The following KRT24 variants were observed in gnomAD, a reference collection of about 807,000 sequenced individuals.
KRT24 encodes the protein keratin, type I cytoskeletal 24.
Under a neutral mutation model 51.7 loss-of-function variants are expected in KRT24, and 44 were observed. The observed-to-expected ratio is 0.85, with a 90% CI of 0.67 to 1.09. The LOEUF (loss-of-function observed/expected upper bound fraction) is 1.09. Among genes scored for constraint, KRT24 ranks in the 50% least tolerant of loss-of-function variants. KRT24 has a pLI of 0.00. For synonymous variants in KRT24, 241 were observed against 249.5 expected (o/e 0.97, Z 0.32); for missense variants, 633 against 647.0 (o/e 0.98, Z 0.24).
Position 40,700,003 on chromosome 17 carries a change from C to T in KRT24, c.1138G>A (p.Ala380Thr). The T allele has an allele frequency of 2.5e-6, 4 of 1,614,118 alleles. No individual in the cohort carries two copies. The highest frequency in any genetic ancestry group is 3.4e-6 in the Non-Finnish European group (4 of 1,180,032). The change falls in exon 5 of 8, where the codon GCC becomes ACC. Residue 380 changes from alanine (A) to threonine (T), a missense_variant. Coordinates refer to ENST00000264651, the MANE Select transcript of KRT24 (RefSeq NM_019016.3). ...GAAAAGCTATTTGCACATACCATGG[C>T]CAGTTGGGACTGAAGCTCAATTTCC... is the stretch of plus-strand genomic sequence containing the variant. The part of the protein sequence containing the change: ...ALEIELQSQL[A>T]MKSSLEGTLA...
chr17:40,698,538 C>T lies in KRT24; in HGVS notation c.1474G>A (p.Asp492Asn). 6.4e-7 allele frequency: 1 copy of T among 1,563,984 alleles called. No homozygotes were observed. The highest frequency in any genetic ancestry group is 8.8e-7 in the Non-Finnish European group (1 of 1,141,490). Reference protein sequence around the residue: ...RSGSCSGQGRDSSKTRVTKTI... With the variant: ...RSGSCSGQGRNSSKTRVTKTI... The stretch of plus-strand genomic sequence containing the variant: ...ATTATCAATATTAAAAAAAGTCTAC[C>T]TCGTCCTTGACCAGAACAGCTTCCA... The change falls in exon 7 of 8, where the codon GAT becomes AAT. Residue 492 changes from aspartate to asparagine, a missense_variant and splice_region_variant. Transcript: ENST00000264651.
In KRT24 at chr17:40,698,185, C is replaced by T; in HGVS notation, c.*52G>A. The T allele has an allele frequency of 8.9e-7, 1 of 1,123,044 alleles. No individual in the cohort carries two copies. The highest frequency in any genetic ancestry group is 2.3e-5 in the East Asian group (1 of 42,648). 69.6% of individuals were successfully genotyped at this position (1,123,044 alleles called of 1,614,324 possible). A position where few individuals can be genotyped will look rare whatever the true frequency, so the allele number is the denominator to read the frequency against. On this transcript the variant is annotated 3_prime_UTR_variant, in exon 8 of 8. Coordinates refer to ENST00000264651, the MANE Select transcript of KRT24 (RefSeq NM_019016.3). ...ATTGATGCCATTTCTTCGCTTGTGT[C>T]CTTCTTGATTTTTTTTTCTTTGAAA...
Position 40,703,484 on chromosome 17 carries a change from G to A in KRT24, c.210C>T (p.Ser70=). The A allele has an allele frequency of 6.7e-7, 1 of 1,497,660 alleles. No individual in the cohort carries two copies. The highest frequency in any genetic ancestry group is 9.0e-7 in the Non-Finnish European group (1 of 1,113,150). 92.8% of individuals were successfully genotyped at this position (1,497,660 alleles called of 1,614,324 possible). A position where few individuals can be genotyped will look rare whatever the true frequency, so the allele number is the denominator to read the frequency against. The change falls in exon 1 of 8, where the codon AGC becomes AGT. Residue 70 remains serine, a synonymous_variant. Transcript: ENST00000264651. ...FGGSFGGGFG[S]CSVGGGFGGA... ...CCCCAAAACCACCCCCTACTGAGCAGCTACCAAAGCCCCCTCCAAAGCTGC... is the reference window on the plus strand; with the variant it reads ...CCCCAAAACCACCCCCTACTGAGCAACTACCAAAGCCCCCTCCAAAGCTGC...
chr17:40,699,681 A>C lies in KRT24; in HGVS notation c.1144-20T>G. 6.3e-7 allele frequency: 1 copy of C among 1,593,932 alleles called. No individual in the cohort carries two copies. Among genetic ancestry groups the C allele is most frequent in the Non-Finnish European group, 8.6e-7 (1 of 1,163,748 alleles). On this transcript the variant is annotated intron_variant, in intron 5 of 7. Transcript: ENST00000264651. ...GCTTTTCTAAGAGAAAAAGCAAATA[A>C]AAAATTCATGATGAAAATAAATCAT... is the stretch of plus-strand genomic sequence containing the variant.
At chr17:40,702,003 G>T in intron 1 of KRT24, 70 bp from the exon 2 acceptor site, 1 of 725,728 alleles carries the variant, frequency 1.4e-6, no homozygotes, top group South Asian at 2.0e-5. Flanking sequence ...CTACTTGTAA[G>T]GGTAGCTGTT....
chr17:40,701,099 T>C, intron 3 of KRT24, 41 bp downstream of exon 3: 3 of 1,596,624 alleles, frequency 1.9e-6, no homozygotes, highest in Admixed American at 3.4e-5. Flanking sequence ...GGGAGAAATA[T>C]GTTAGCTAGA....
rs750834464 is a variant in KRT24 at position 40,699,533 on chromosome 17, C to T, written c.1272G>A (p.Gln424=). The part of the protein sequence containing the change: ...ICQIWGETKC[Q]NAEYKQLLDI... ...CCAGCAATTGCTTGTACTCTGCGTT[C>T]TGGCATTTAGTCTCACCCCAGATCT... Residue 424 remains glutamine, a synonymous_variant, in exon 6 of 8, where the codon CAG becomes CAA. Coordinates refer to ENST00000264651, the MANE Select transcript of KRT24 (RefSeq NM_019016.3). The T allele has an allele frequency of 3.7e-6, 6 of 1,613,902 alleles. No homozygotes were observed. The highest frequency in any genetic ancestry group is 4.2e-6 in the Non-Finnish European group (5 of 1,179,866).
rs150703481 is a variant in KRT24 at position 40,701,344 on chromosome 17, C to T, written c.699-48G>A. The T allele has an allele frequency of 3.2e-4, 498 of 1,554,052 alleles. 3 individuals are homozygous for T. In the Middle Eastern group the frequency reaches 6.0e-3, roughly 19 times the overall value. ...AAAAAATACTGTGAGCTCACCTGGC[C>T]GTGTTTCAAAGGGTACCTTCCATTC... On this transcript the variant is annotated intron_variant, in intron 2 of 7. Coordinates refer to ENST00000264651, the MANE Select transcript of KRT24 (RefSeq NM_019016.3).
chr17:40,701,594 G>A (rs1047195600), intron 2 of KRT24, among the ~76,000 whole-genome samples: 5 of 149,822 alleles, frequency 3.3e-5, no homozygotes, highest in African/African-American at 1.2e-4. Flanking sequence ...GAGCAGAAGC[G>A]GCCGGTGTGT....
At chr17:40,702,352 C>T (rs1229900266) in intron 1 of KRT24, among the ~76,000 whole-genome samples, 9 of 152,064 alleles carry the variant, frequency 5.9e-5, no homozygotes, top group African/African-American at 2.2e-4. Context: ...GTGCTATTAG[C>T]TTTTAAAGGT....
chr17:40,703,499 T>C lies in KRT24; in HGVS notation c.195A>G (p.Gly65=). 3 of 731,666 alleles carry C rather than the reference T, an allele frequency of 4.1e-6. No individual in the cohort carries two copies. Among genetic ancestry groups the C allele is most frequent in the Non-Finnish European group, 2.0e-6 (1 of 489,468 alleles). The allele number at this position is 731,666 out of a possible 1,614,324, so 45.3% of individuals were successfully genotyped here. A position where few individuals can be genotyped will look rare whatever the true frequency, so the allele number is the denominator to read the frequency against. ...CTACTGAGCAGCTACCAAAGCCCCC[T>C]CCAAAGCTGCCCCCAAAAGCACCGC... ...GSSGAFGGSF[G]GGFGSCSVGG... The change falls in exon 1 of 8, where the codon GGA becomes GGG. Residue 65 remains glycine, a synonymous_variant. Coordinates refer to ENST00000264651, the MANE Select transcript of KRT24 (RefSeq NM_019016.3).
In KRT24 at chr17:40,699,429, A is replaced by G. The variant is rs1448592680; in HGVS notation, c.1361+15T>C. ...CTAAGGTATGCATTTTAGTTTGTTC[A>G]TGACTTTGGTTTACCCTCCCTCTCC... On this transcript the variant is annotated intron_variant, in intron 6 of 7. Coordinates refer to ENST00000264651, the MANE Select transcript of KRT24 (RefSeq NM_019016.3). 1.9e-6 allele frequency: 3 copies of G among 1,608,474 alleles called. No homozygotes were observed. Among genetic ancestry groups the G allele is most frequent in the South Asian group, 2.2e-5 (2 of 90,976 alleles).
Position 40,701,118 on chromosome 17 carries a change from TTTA to T in KRT24, c.855+19_855+21del. ...GAAATATGTTAGCTAGAGTTATTCG[TTTA>T]TGTAGAACATGTTCCTACCTCCTCG... On this transcript the variant is annotated intron_variant, in intron 3 of 7. Transcript: ENST00000264651. The T allele has an allele frequency of 1.9e-6, 3 of 1,610,514 alleles. No individual in the cohort carries two copies. In the East Asian group the frequency reaches 6.7e-5, roughly 36 times the overall value.
intron 1 of KRT24, 54 bp from the exon 2 acceptor site, chr17:40,701,987 G>T: frequency 4.5e-6 from 4 of 893,360 alleles, no homozygotes; most frequent in Non-Finnish European, 7.0e-6. Context: ...CCTTGTGTCT[G>T]CATGCCTACT....
At position 40,698,037 on chromosome 17, in the gene KRT24, A is replaced by C. The variant is rs1185950230; in HGVS notation, c.*200T>G. 1 of 534,134 alleles carries C rather than the reference A, an allele frequency of 1.9e-6. No individual in the cohort carries two copies. Among genetic ancestry groups the C allele is most frequent in the African/African-American group, 1.9e-5 (1 of 52,234 alleles). 33.1% of individuals were successfully genotyped at this position (534,134 alleles called of 1,614,324 possible). On this transcript the variant is annotated 3_prime_UTR_variant, in exon 8 of 8. Transcript: ENST00000264651. ...ATTGAAGCATAGAAACAATTAAAGCAAAGTTGTTAATTCAGCTATTTCAAG... is the reference window on the plus strand; with the variant it reads ...ATTGAAGCATAGAAACAATTAAAGCCAAGTTGTTAATTCAGCTATTTCAAG...
chr17:40,701,336 C>T (rs1179115171), intron 2 of KRT24, 40 bp from the exon 3 acceptor site: 13 of 1,580,746 alleles, frequency 8.2e-6, no homozygotes, highest in Non-Finnish European at 1.1e-5. Flanking sequence ...ACTGTGAGCT[C>T]ACCTGGCCGT....
rs778370523 is a variant in KRT24 at position 40,703,444 on chromosome 17, C to T, written c.250G>A (p.Gly84Arg). The T allele has an allele frequency of 1.7e-5, 27 of 1,599,008 alleles. No individual in the cohort carries two copies. In the East Asian group the frequency reaches 5.6e-4, roughly 33 times the overall value. The part of the protein sequence containing the change: ...GGGFGGASGS[G>R]TGFGGGSSFG... ...CTAGAACCCCCACCAAATCCTGTCC[C>T]AGAGCCTGAAGCTCCCCCAAAACCA... is the stretch of plus-strand genomic sequence containing the variant. The change falls in exon 1 of 8, where the codon GGG (glycine) becomes AGG (arginine). Residue 84 changes from glycine (G) to arginine (R), a missense_variant. By Grantham distance (125) the Gly-to-Arg change is moderately radical. Coordinates refer to ENST00000264651, the MANE Select transcript of KRT24 (RefSeq NM_019016.3).
intron 6 of KRT24, among the ~76,000 whole-genome samples, 160 bp from the exon 7 acceptor site, chr17:40,698,810 G>A (rs1362236519): frequency 1.3e-5 from 2 of 151,722 alleles, no homozygotes; most frequent in African/African-American, 4.8e-5. Flanking sequence ...CTGGGCTCAA[G>A]TGATCCTCCT....
In KRT24 at chr17:40,700,263, C is replaced by A. The variant is rs771600549; in HGVS notation, c.976G>T (p.Glu326Ter). Residue 326 changes from glutamate to a stop codon, truncating the protein, a stop_gained, in exon 4 of 8, where the codon GAG becomes TAG. Transcript: ENST00000264651. LOFTEE classifies it high-confidence loss of function. ...DMRAQYEELA[E>*]QNRREAEERF... is the part of the protein sequence containing the mutation. ...TCCTCAGCCTCTCGGCGGTTTTGCT[C>A]AGCCAGCTCCTCGTACTGCGCCCTC... The A allele has an allele frequency of 4.3e-6, 7 of 1,614,036 alleles. No individual in the cohort carries two copies. In the East Asian group the frequency reaches 1.6e-4, roughly 36 times the overall value.
Sources: allele counts gnomAD v4.1 joint callset (sites outside exome capture counted in the v4.1 genomes callset), GRCh38; gene constraint gnomAD v4.1.1; transcripts MANE v1.5; gene names NCBI Gene and HGNC (gene_info 2026-07-23, HGNC 2026-07-21).